Variants in ELSPBP1 observed in about 807,000 individuals in gnomAD.
ELSPBP1 encodes the protein epididymal sperm-binding protein 1.
Under a neutral mutation model 33.3 loss-of-function variants are expected in ELSPBP1, and 38 were observed. The observed-to-expected ratio is 1.14, with a 90% confidence interval of 0.88 to 1.50. ELSPBP1 has a LOEUF of 1.50. Among genes scored for constraint, ELSPBP1 ranks in the 40% most tolerant of loss-of-function variants. The pLI is 0.00. For missense variants in ELSPBP1, 267 were observed against 263.5 expected (o/e 1.01, Z -0.09); for synonymous variants, 85 against 94.1 (o/e 0.90, Z 0.56).
Position 47,999,414 on chromosome 19 carries a change from A to C in ELSPBP1, c.-18+4603A>C, listed in dbSNP as rs1328073126. Among the ~76,000 whole-genome samples, 6 of 144,964 alleles carry C rather than the reference A, an allele frequency of 4.1e-5. No homozygotes were observed. In the East Asian group the frequency reaches 1.0e-3, roughly 24 times the overall value. ...TTTTTTTTTTTTTTTTTTGAGAAAG[A>C]GTCTCGCTCTGCCACCCAGGCTGGA... On this transcript the variant is annotated intron_variant, in intron 1 of 6. Transcript: ENST00000339841.
intron 3 of ELSPBP1, 43 bp downstream of exon 3, chr19:48,014,351 G>A (rs1967109327): frequency 1.9e-6 from 3 of 1,594,062 alleles, no homozygotes; most frequent in East Asian, 2.2e-5. Context: ...CTTTGAATAG[G>A]GTGGATCACA....
intron 6 of ELSPBP1, among the ~76,000 whole-genome samples, chr19:48,023,872 A>C (rs367912695): frequency 8.4e-5 from 10 of 119,516 alleles, no homozygotes; most frequent in South Asian, 5.3e-4. Flanking sequence ...TCTTTATTTT[A>C]TTTATTTATT....
chr19:48,014,178 T>G lies in ELSPBP1; in HGVS notation c.78T>G (p.His26Gln). The G allele has an allele frequency of 6.2e-7, 1 of 1,613,432 alleles. No homozygotes were observed. The highest frequency in any genetic ancestry group is 8.5e-7 in the Non-Finnish European group (1 of 1,179,620). The change falls in exon 3 of 7, where the codon CAT (histidine) becomes CAG (glutamine). Residue 26 changes from histidine (H) to glutamine (Q), a missense_variant. His to Gln is a conservative substitution (Grantham distance 24). Transcript: ENST00000339841. ...TCTCCTTCTGCCCTTCAGGGATGCA[T>G]GAGGAATGTGTCTTTCCTTTCACCT... is the stretch of plus-strand genomic sequence containing the variant. ...LYSYESSGGM[H>Q]EECVFPFTYK...
intron 5 of ELSPBP1, 111 bp from the exon 6 acceptor site, chr19:48,022,059 A>T: frequency 1.0e-6 from 1 of 982,412 alleles, no homozygotes; most frequent in African/African-American, 1.6e-5. Flanking sequence ...AAAGGCGCGA[A>T]CCACCACACT....
chr19:48,017,045 C>T (rs1967150196), intron 4 of ELSPBP1, among the ~76,000 whole-genome samples: 1 of 152,210 alleles, frequency 6.6e-6, no homozygotes, highest in Non-Finnish European at 1.5e-5. Context: ...CTTTCCATAG[C>T]AGCTCTATGA....
intron 1 of ELSPBP1, among the ~76,000 whole-genome samples, chr19:47,997,540 A>G (rs545712974): frequency 6.6e-6 from 1 of 152,232 alleles, no homozygotes; most frequent in South Asian, 2.1e-4. Flanking sequence ...TTGATACACA[A>G]CAATTGTATA....
intron 1 of ELSPBP1, among the ~76,000 whole-genome samples, chr19:48,003,737 A>G (rs1401093122): frequency 7.0e-6 from 1 of 142,826 alleles, no homozygotes; most frequent in Non-Finnish European, 1.5e-5. Flanking sequence ...GTAGAGATGG[A>G]GTTTCACCAT....
At chr19:48,009,350 G>T (rs79353338) in intron 2 of ELSPBP1, among the ~76,000 whole-genome samples, 25,343 of 152,016 alleles carry the variant, frequency 0.17, 2,161 homozygotes, top group South Asian at 0.23. Context: ...CACATGGTGG[G>T]GGTAAAAGGC....
At chr19:47,996,565 T>A (rs2059814) in intron 1 of ELSPBP1, among the ~76,000 whole-genome samples, 69,619 of 151,506 alleles carry the variant, frequency 0.46, 16,417 homozygotes, top group African/African-American at 0.57. Context: ...TGGATGGATG[T>A]ATGGATGATG....
At chr19:48,018,196 G>A (rs140030415) in intron 4 of ELSPBP1, among the ~76,000 whole-genome samples, 32 of 152,208 alleles carry the variant, frequency 2.1e-4, no homozygotes, top group African/African-American at 6.5e-4. Flanking sequence ...TAGCTTTACC[G>A]CTTCACAGTC....
rs2122283170 is a variant in ELSPBP1 at position 47,996,085 on chromosome 19, C to T, written c.-18+1274C>T. ...TGAAGACAGCTATCATATCTGGTTC[C>T]TCTTGGTACCCACCACATTTCCTTA... On this transcript the variant is annotated intron_variant, in intron 1 of 6. Coordinates refer to ENST00000339841, the MANE Select transcript of ELSPBP1 (RefSeq NM_022142.5). Among the ~76,000 whole-genome samples, 3 of 152,306 alleles carry T rather than the reference C, an allele frequency of 2.0e-5. 1 individual carries two copies. In the Middle Eastern group the frequency reaches 0.01, roughly 518 times the overall value.
chr19:48,011,350 T>C lies in ELSPBP1; in HGVS notation c.70+2613T>C, dbSNP rs1314387372. Among the ~76,000 whole-genome samples the C allele has an allele frequency of 6.6e-6, 1 of 151,092 alleles. No homozygotes were observed. The highest frequency in any genetic ancestry group is 2.0e-4 in the East Asian group (1 of 5,084). On this transcript the variant is annotated intron_variant, in intron 2 of 6. Transcript: ENST00000339841. The surrounding 1 kb of genome is among the most constrained non-coding windows in gnomAD (Gnocchi z 4.5). The stretch of plus-strand genomic sequence containing the variant: ...CAATGACTGATGATGATGACAATTA[T>C]GACGATGATGATGATGATGGTGACA...
intron 1 of ELSPBP1, among the ~76,000 whole-genome samples, chr19:48,000,384 G>A (rs927472353): frequency 1.3e-5 from 2 of 151,998 alleles, no homozygotes; most frequent in African/African-American, 4.8e-5. Flanking sequence ...GGGATTACAA[G>A]TGCGTGCCAC....
Position 48,014,909 on chromosome 19 carries a change from T to C in ELSPBP1, c.208+601T>C, listed in dbSNP as rs181368518. Among the ~76,000 whole-genome samples the C allele has an allele frequency of 1.3e-3, 202 of 152,266 alleles. 1 individual carries two copies. Among genetic ancestry groups the C allele is most frequent in the African/African-American group, 4.8e-3 (200 of 41,554 alleles). On this transcript the variant is annotated intron_variant, in intron 3 of 6. Coordinates refer to ENST00000339841, the MANE Select transcript of ELSPBP1 (RefSeq NM_022142.5). The stretch of plus-strand genomic sequence containing the variant: ...TTGACCCAATAGAACCATCCCATCT[T>C]TATGCCTTTCTTAATTTTCTAAGTT...
At chr19:48,023,254 G>T (rs1402616746) in intron 6 of ELSPBP1, among the ~76,000 whole-genome samples, 1 of 130,884 alleles carries the variant, frequency 7.6e-6, no homozygotes, top group Non-Finnish European at 1.6e-5. Flanking sequence ...AAAGAAAGGA[G>T]GTAGAGAGAG....
chr19:48,008,044 A>G (rs1233085088), intron 1 of ELSPBP1, among the ~76,000 whole-genome samples: 1 of 152,136 alleles, frequency 6.6e-6, no homozygotes, highest in African/African-American at 2.4e-5. Flanking sequence ...TTGTTAGGCA[A>G]TGTCGTCCTT....
At position 48,015,896 on chromosome 19, in the gene ELSPBP1, A is replaced by C; in HGVS notation, c.212A>C (p.Tyr71Ser). ...GQWKYCQSED[Y>S]PRCIFPFIYR... Reference sequence around the variant, plus strand: ...TCACGAACTCTGTTCCTAACAGATTACCCACGCTGTATCTTCCCTTTCATC... The same window carrying C: ...TCACGAACTCTGTTCCTAACAGATTCCCCACGCTGTATCTTCCCTTTCATC... Residue 71 changes from tyrosine (Y) to serine (S), a missense_variant, in exon 4 of 7, where the codon TAC becomes TCC. By Grantham distance (144) the Tyr-to-Ser change is moderately radical. Coordinates refer to ENST00000339841, the MANE Select transcript of ELSPBP1 (RefSeq NM_022142.5). 4 of 1,607,030 alleles carry C rather than the reference A, an allele frequency of 2.5e-6. No individual in the cohort carries two copies. Among genetic ancestry groups the C allele is most frequent in the Non-Finnish European group, 3.4e-6 (4 of 1,174,212 alleles).
chr19:48,008,711 T>C lies in ELSPBP1; in HGVS notation c.44T>C (p.Leu15Pro), dbSNP rs968573908. ...SSYLLGWTTF[L>P]LYSYESSGGM... ...TACCTGTTGGGATGGACAACCTTCC[T>C]TCTCTATTCCTATGAGTCAAGTGGA... The change falls in exon 2 of 7, where the codon CTT (leucine) becomes CCT (proline). Residue 15 changes from leucine to proline, a missense_variant. Coordinates refer to ENST00000339841, the MANE Select transcript of ELSPBP1 (RefSeq NM_022142.5). The C allele has an allele frequency of 3.2e-5, 51 of 1,613,784 alleles. No individual in the cohort carries two copies. Among genetic ancestry groups the C allele is most frequent in the Non-Finnish European group, 4.2e-5 (49 of 1,179,906 alleles).
intron 1 of ELSPBP1, among the ~76,000 whole-genome samples, chr19:48,004,191 G>C (rs373481661): frequency 6.6e-6 from 1 of 151,904 alleles, no homozygotes; most frequent in African/African-American, 2.4e-5. Flanking sequence ...TGATCTGCCC[G>C]CCTCGGCCTC....
Sources: gnomAD v4.1 joint callset for allele counts (sites outside exome capture counted in the v4.1 genomes callset) on GRCh38, gnomAD v4.1.1 for gene constraint, Gnocchi (gnomAD v3.1) non-coding constraint, MANE v1.5 for transcripts, NCBI Gene and HGNC (gene_info 2026-07-23, HGNC 2026-07-21) for gene names.